The following DYM variants were observed in gnomAD, a reference collection of about 807,000 sequenced individuals.
DYM encodes dymeclin.
A neutral mutation model predicts 93.1 loss-of-function variants in DYM; 78 were observed. That is an observed-to-expected ratio of 0.84 (90% CI 0.70 to 1.01). DYM has a LOEUF of 1.01. Among genes scored for constraint, DYM ranks in the 50% least tolerant of loss-of-function variants. The probability of loss-of-function intolerance (pLI) is 0.00; values close to 1 mark genes in which losing one functional copy is unlikely to be tolerated. For synonymous variants in DYM, 321 were observed against 319.7 expected (o/e 1.00, Z -0.04); for missense variants, 789 against 845.0 (o/e 0.93, Z 0.82).
chr18:49,048,166 A>T (rs2071884565), intron 17 of DYM: 1 of 152,270 alleles, frequency 6.6e-6, no homozygotes, highest in Non-Finnish European at 1.5e-5. Context: ...TACAGAGCTC[A>T]GCACGCTGCT....
chr18:49,079,981 C>T (rs1314427618), intron 17 of DYM, among the ~76,000 whole-genome samples: 3 of 150,740 alleles, frequency 2.0e-5, no homozygotes, highest in Non-Finnish European at 4.4e-5. Flanking sequence ...GTAGGGGCGG[C>T]CGGGCAGAGG....
intron 17 of DYM, among the ~76,000 whole-genome samples, chr18:49,090,465 G>A (rs559138801): frequency 1.4e-4 from 22 of 152,324 alleles, no homozygotes; most frequent in East Asian, 7.7e-4. Flanking sequence ...GTCAAATGAC[G>A]TCATTTGTAC....
In DYM at chr18:49,440,100, A is replaced by G. The variant is rs1167928828; in HGVS notation, c.-53-9653T>C. On this transcript the variant is annotated intron_variant, in intron 1 of 17. Coordinates refer to ENST00000675505, the MANE Select transcript of DYM (RefSeq NM_001353214.3). Reference sequence around the variant, plus strand: ...TTTATATTTGTGAAATATTTGATAAATACATAAAGTCAATCTCCTCTTTTA... The same window carrying G: ...TTTATATTTGTGAAATATTTGATAAGTACATAAAGTCAATCTCCTCTTTTA... Among the ~76,000 whole-genome samples, 3 of 132,452 alleles carry G rather than the reference A, an allele frequency of 2.3e-5. 1 individual carries two copies. Among genetic ancestry groups the G allele is most frequent in the African/African-American group, 7.9e-5 (3 of 37,802 alleles). 86.9% of individuals were successfully genotyped at this position (132,452 alleles called of 152,430 possible). A position where few individuals can be genotyped will look rare whatever the true frequency, so the allele number is the denominator to read the frequency against.
At chr18:49,207,078 T>G (rs2092554333) in intron 14 of DYM, among the ~76,000 whole-genome samples, 1 of 152,190 alleles carries the variant, frequency 6.6e-6, no homozygotes, top group South Asian at 2.1e-4. Flanking sequence ...TTCCTTCTCC[T>G]TTTTCTTTCA....
intron 15 of DYM, among the ~76,000 whole-genome samples, chr18:49,151,030 CA>C (rs1186697079): frequency 1.3e-5 from 2 of 152,176 alleles, no homozygotes; most frequent in African/African-American, 4.8e-5. Context: ...TGACCTCCAA[CA>C]ACCATCAAAG....
At chr18:49,099,649 T>TAA (rs1202408286) in intron 16 of DYM, among the ~76,000 whole-genome samples, 17 of 152,164 alleles carry the variant, frequency 1.1e-4, no homozygotes, top group African/African-American at 3.6e-4. Flanking sequence ...TTGTACTCAT[T>TAA]AAAATGTCAT....
rs1386463720 is a variant in DYM at position 49,118,932 on chromosome 18, A to G, written c.1729-6T>C. 3 of 1,613,708 alleles carry G rather than the reference A, an allele frequency of 1.9e-6. No individual in the cohort carries two copies. The highest frequency in any genetic ancestry group is 2.5e-6 in the Non-Finnish European group (3 of 1,179,700). ...ATGACATTTAGGTCTTGTGCCTTATAGAGAAAAGAAACCCCAACACAGAGT... is the reference window on the plus strand; with the variant it reads ...ATGACATTTAGGTCTTGTGCCTTATGGAGAAAAGAAACCCCAACACAGAGT... On this transcript the variant is annotated splice_polypyrimidine_tract_variant and splice_region_variant and intron_variant, in intron 15 of 17. Coordinates refer to ENST00000675505, the MANE Select transcript of DYM (RefSeq NM_001353214.3).
intron 16 of DYM, among the ~76,000 whole-genome samples, chr18:49,117,191 T>G (rs756283762): frequency 6.6e-6 from 1 of 152,234 alleles, no homozygotes; most frequent in Non-Finnish European, 1.5e-5. Flanking sequence ...ATGATGTCGA[T>G]ATAAGTTTAG....
chr18:49,176,661 C>A (rs2089419079), intron 14 of DYM, among the ~76,000 whole-genome samples: 1 of 151,084 alleles, frequency 6.6e-6, no homozygotes, highest in African/African-American at 2.4e-5. Flanking sequence ...ATGATCCTCC[C>A]ACTTCAGCCT....
At chr18:49,418,447 G>C (rs1180025603) in intron 2 of DYM, among the ~76,000 whole-genome samples, 2 of 151,712 alleles carry the variant, frequency 1.3e-5, no homozygotes, top group African/African-American at 2.4e-5. Context: ...ATTTTAACAG[G>C]GTGAAAAAAT....
At chr18:49,280,435 C>T (rs1391655035) in intron 10 of DYM, among the ~76,000 whole-genome samples, 1 of 152,110 alleles carries the variant, frequency 6.6e-6, no homozygotes, top group Non-Finnish European at 1.5e-5. Flanking sequence ...GCATTCTCAT[C>T]AGGAATATTC....
At chr18:49,450,057 G>T (rs1054039407) in intron 1 of DYM, among the ~76,000 whole-genome samples, 2 of 152,150 alleles carry the variant, frequency 1.3e-5, no homozygotes, top group Non-Finnish European at 2.9e-5. Context: ...TATAAATTTT[G>T]CCCAGGGATA....
intron 6 of DYM, among the ~76,000 whole-genome samples, chr18:49,336,191 T>TTAAA (rs2063658381): frequency 6.6e-6 from 1 of 152,256 alleles, no homozygotes; most frequent in South Asian, 2.1e-4. Context: ...ACTGTATGCC[T>TTAAA]CAGATCTAGA....
intron 6 of DYM, among the ~76,000 whole-genome samples, chr18:49,339,936 GTTTT>G (rs1011524718): frequency 1.3e-5 from 2 of 151,466 alleles, no homozygotes; most frequent in East Asian, 1.9e-4. Context: ...TTTTTTTGGG[GTTTT>G]TTGTTTGTTT....
At chr18:49,325,268 T>G (rs530550) in intron 8 of DYM, among the ~76,000 whole-genome samples, 89,114 of 152,002 alleles carry the variant, frequency 0.59, 26,748 homozygotes, top group Non-Finnish European at 0.66. Context: ...AAACCCAGGC[T>G]ACTGACCTCA....
At chr18:49,202,418 G>A (rs539729902) in intron 14 of DYM, among the ~76,000 whole-genome samples, 11 of 146,196 alleles carry the variant, frequency 7.5e-5, no homozygotes, top group South Asian at 4.6e-4. Context: ...CCGCCACCCC[G>A]TCTGGGAAGT....
intron 14 of DYM, among the ~76,000 whole-genome samples, chr18:49,164,756 A>T (rs1445759584): frequency 6.6e-6 from 1 of 152,218 alleles, no homozygotes; most frequent in Admixed American, 6.5e-5. Context: ...AGACTGAGGG[A>T]TATTGGAGCT....
At chr18:49,302,322 TAGCAA>T (rs1238506873) in intron 8 of DYM, among the ~76,000 whole-genome samples, 3 of 152,116 alleles carry the variant, frequency 2.0e-5, no homozygotes, top group African/African-American at 7.2e-5. Context: ...CCATCATGAT[TAGCAA>T]AGCATTTTAT....
chr18:49,407,051 A>G (rs2148131137), intron 2 of DYM, among the ~76,000 whole-genome samples: 1 of 152,244 alleles, frequency 6.6e-6, no homozygotes, highest in East Asian at 1.9e-4. Flanking sequence ...AACAACTTCA[A>G]TGGATTTCAA....
Sources: allele counts gnomAD v4.1 joint callset (sites outside exome capture counted in the v4.1 genomes callset), GRCh38; gene constraint gnomAD v4.1.1; transcripts MANE v1.5; gene names NCBI Gene and HGNC (gene_info 2026-07-23, HGNC 2026-07-21).